EPM2A: variants seen among roughly 807,000 people sequenced by gnomAD.
The protein encoded by EPM2A is EPM2A glucan phosphatase, laforin.
In EPM2A, 21 loss-of-function variants were observed where a neutral mutation model predicts 26.5. That is an observed-to-expected ratio of 0.79 (90% confidence interval 0.56 to 1.14). The LOEUF is 1.14. Among genes scored for constraint, EPM2A ranks in the 50% most tolerant of loss-of-function variants. The probability of loss-of-function intolerance (pLI) is 0.00; values close to 1 mark genes in which losing one functional copy is unlikely to be tolerated. For synonymous variants in EPM2A, 217 were observed against 177.6 expected (o/e 1.22, Z -1.76); for missense variants, 458 against 440.8 (o/e 1.04, Z -0.35).
At chr6:145,639,584 CT>C (rs902441815) in intron 2 of EPM2A, 2 of 152,116 alleles carry the variant, frequency 1.3e-5, no homozygotes, top group Admixed American at 6.5e-5. Context: ...AGCCCAATAT[CT>C]TTTTTAAATA....
downstream of EPM2A, among the ~76,000 whole-genome samples, chr6:145,623,836 A>T (rs1775687932): frequency 6.6e-6 from 1 of 152,194 alleles, no homozygotes; most frequent in Admixed American, 6.5e-5. Flanking sequence ...AAAAACACAG[A>T]TGCTATAGAT....
At position 145,626,037 on chromosome 6, in the gene EPM2A, G is replaced by A. The variant is rs1038730270; in HGVS notation, c.*1379C>T. On this transcript the variant is annotated 3_prime_UTR_variant, in exon 4 of 4. Transcript: ENST00000367519. Reference sequence around the variant, plus strand: ...CCTTAGTTTCCCCATCTTTATCATGGAGATAATGAGACCTTCTTCATTGGA... The same window carrying A: ...CCTTAGTTTCCCCATCTTTATCATGAAGATAATGAGACCTTCTTCATTGGA... 8.9e-7 allele frequency: 1 copy of A among 1,122,066 alleles called. No individual in the cohort carries two copies. 69.5% of individuals were successfully genotyped at this position (1,122,066 alleles called of 1,614,324 possible).
At chr6:145,710,632 A>G (rs1245769947) in intron 1 of EPM2A, among the ~76,000 whole-genome samples, 1 of 152,176 alleles carries the variant, frequency 6.6e-6, no homozygotes, top group Admixed American at 6.6e-5. Flanking sequence ...TATATACCCA[A>G]AGGATTATAA....
At position 145,527,141 on chromosome 6, in the gene EPM2A, T is replaced by G. The variant is rs143878789; in HGVS notation, c.341-24566A>C. On this transcript the variant is annotated intron_variant, in intron 2 of 3. Transcript: ENST00000450221. The stretch of plus-strand genomic sequence containing the variant: ...ATTTCTATTTTATTCCACTGTGTTC[T>G]GAGAATATATTTGGTATCATTTTGA... 9.3e-4 allele frequency among the ~76,000 whole-genome samples: 141 copies of G among 152,248 alleles called. 4 individuals are homozygous for G. In the East Asian group the frequency reaches 0.023, roughly 25 times the overall value.
In EPM2A at chr6:145,629,453, G is replaced by A. The variant is rs565553696; in HGVS notation, c.719-1760C>T. On this transcript the variant is annotated intron_variant, in intron 3 of 3. Transcript: ENST00000367519. ...AATATCACTGGAGATGCAACAGGAT[G>A]GTGAGAGCATCATGTGTGACAGCAA... 3 of 152,338 alleles carry A rather than the reference G, an allele frequency of 2.0e-5. 1 individual carries two copies. The East Asian group carries it at 5.8e-4, about 29-fold the overall frequency. 9.4% of individuals were successfully genotyped at this position (152,338 alleles called of 1,614,324 possible).
intron 4 of EPM2A, among the ~76,000 whole-genome samples, chr6:145,409,926 C>T (rs1778621557): frequency 6.6e-6 from 1 of 152,138 alleles, no homozygotes; most frequent in African/African-American, 2.4e-5. Flanking sequence ...CCAAGGTGAG[C>T]ATGTCTTCCA....
At chr6:145,544,550 G>C (rs1373810517) in intron 2 of EPM2A, among the ~76,000 whole-genome samples, 1 of 152,146 alleles carries the variant, frequency 6.6e-6, no homozygotes, top group Non-Finnish European at 1.5e-5. Context: ...GTCACAAAGT[G>C]TGCGTTAGGC....
At chr6:145,670,552 G>C (rs1779567541) in intron 2 of EPM2A, 1 of 152,086 alleles carries the variant, frequency 6.6e-6, no homozygotes, top group Non-Finnish European at 1.5e-5. Flanking sequence ...TGCCAAAACT[G>C]ATTTATTTCT....
chr6:145,485,246 G>A (rs1779657886), intron 4 of EPM2A, among the ~76,000 whole-genome samples: 1 of 152,014 alleles, frequency 6.6e-6, no homozygotes, highest in South Asian at 2.1e-4. Context: ...AACAAGGTGA[G>A]AGTAGTGTCA....
chr6:145,502,946 AG>A (rs1387003723), intron 2 of EPM2A, among the ~76,000 whole-genome samples: 5 of 152,230 alleles, frequency 3.3e-5, no homozygotes, highest in African/African-American at 1.2e-4. Context: ...ATACATAATT[AG>A]TTTGCAGAGC....
chr6:145,409,273 G>A (rs1405682659), intron 4 of EPM2A, among the ~76,000 whole-genome samples: 5 of 151,994 alleles, frequency 3.3e-5, no homozygotes, highest in Non-Finnish European at 7.4e-5. Context: ...TCTGGGAAGT[G>A]ATCACAAAAA....
intron 4 of EPM2A, among the ~76,000 whole-genome samples, chr6:145,395,377 GC>G (rs1454680083): frequency 6.6e-6 from 1 of 152,074 alleles, no homozygotes; most frequent in Non-Finnish European, 1.5e-5. Context: ...AGAAGAAAAT[GC>G]CTTGGGAATC....
chr6:145,698,863 C>T (rs1781764909), intron 1 of EPM2A, among the ~76,000 whole-genome samples: 1 of 152,128 alleles, frequency 6.6e-6, no homozygotes, highest in South Asian at 2.1e-4. Context: ...ATCTCTCTCT[C>T]CTCAAGCACA....
At chr6:145,651,099 G>A (rs549889606) in intron 2 of EPM2A, among the ~76,000 whole-genome samples, 1 of 152,242 alleles carries the variant, frequency 6.6e-6, no homozygotes, top group Admixed American at 6.5e-5. Context: ...GGAAGCAATT[G>A]AAGAATAGAC....
intron 1 of EPM2A, among the ~76,000 whole-genome samples, chr6:145,695,106 T>C (rs1390517626): frequency 6.6e-6 from 1 of 151,990 alleles, no homozygotes; most frequent in East Asian, 1.9e-4. Flanking sequence ...CTTTGATAAA[T>C]TGTTAAGGGA....
At chr6:145,443,907 G>A (rs1582760032) in intron 4 of EPM2A, among the ~76,000 whole-genome samples, 3 of 152,310 alleles carry the variant, frequency 2.0e-5, no homozygotes, top group East Asian at 3.9e-4. Flanking sequence ...CATGTAAGAA[G>A]TGACTTTTCC....
intron 2 of EPM2A, chr6:145,682,688 C>T (rs1470046508): frequency 6.6e-6 from 1 of 152,110 alleles, no homozygotes; most frequent in Non-Finnish European, 1.5e-5. Context: ...ACAATTCTTA[C>T]TGAATAAATG....
chr6:145,479,892 A>C (rs946338904), intron 4 of EPM2A, among the ~76,000 whole-genome samples: 1 of 152,078 alleles, frequency 6.6e-6, no homozygotes, highest in African/African-American at 2.4e-5. Context: ...AAGGATTTCA[A>C]TTCCTCCACA....
intron 4 of EPM2A, among the ~76,000 whole-genome samples, chr6:145,430,022 C>A (rs1406424581): frequency 2.0e-5 from 3 of 151,428 alleles, no homozygotes; most frequent in South Asian, 2.1e-4. Flanking sequence ...CCTGGTGAAA[C>A]CTCTACTACA....
Sources: allele counts gnomAD v4.1 joint callset (sites outside exome capture counted in the v4.1 genomes callset), GRCh38; gene constraint gnomAD v4.1.1; transcripts MANE v1.5; gene names NCBI Gene and HGNC (gene_info 2026-07-23, HGNC 2026-07-21).